Variants in CYFIP1 observed in about 807,000 individuals in gnomAD.
CYFIP1 encodes cytoplasmic FMR1 interacting protein 1.
A neutral mutation model predicts 163.5 loss-of-function variants in CYFIP1; 58 were observed. That is an observed-to-expected ratio of 0.35 (90% CI 0.29 to 0.44). CYFIP1 has a LOEUF of 0.44. CYFIP1 is among the 20% of genes least tolerant of loss of function. The pLI is 1.00. For synonymous variants in CYFIP1, 663 were observed against 660.7 expected (o/e 1.00, Z -0.05); for missense variants, 1,338 against 1,653.8 (o/e 0.81, Z 3.31).
chr15:22,904,270 CG>C (rs2142017894), intron 21 of CYFIP1: 1 of 313,516 alleles, frequency 3.2e-6, no homozygotes, highest in East Asian at 7.7e-5. Context: ...TCTCCCTGGG[CG>C]TTGGAGCTGA....
At chr15:22,897,475 G>T (rs936935295) in intron 22 of CYFIP1, among the ~76,000 whole-genome samples, 28 of 145,478 alleles carry the variant, frequency 1.9e-4, no homozygotes, top group Non-Finnish European at 3.1e-4. Context: ...GTTCAACAGG[G>T]TTGTTTTTTT....
chr15:22,976,867 G>GT (rs748728791), intron 1 of CYFIP1, among the ~76,000 whole-genome samples: 16 of 152,128 alleles, frequency 1.1e-4, no homozygotes, highest in Non-Finnish European at 1.6e-4. Flanking sequence ...GACTTTGCAT[G>GT]TATCTCCCCA....
Position 22,953,805 on chromosome 15 carries a change from C to G in CYFIP1, c.-6-6514G>C, listed in dbSNP as rs935137267. On this transcript the variant is annotated intron_variant, in intron 1 of 30. Coordinates refer to ENST00000617928, the MANE Select transcript of CYFIP1 (RefSeq NM_014608.6). Reference sequence around the variant, plus strand: ...GTGCAGTGGCTCACGCCTGTAATCCCAGCACTTTGGGAGGCCGAGGCGGGT... The same window carrying G: ...GTGCAGTGGCTCACGCCTGTAATCCGAGCACTTTGGGAGGCCGAGGCGGGT... 5.9e-4 allele frequency among the ~76,000 whole-genome samples: 90 copies of G among 152,216 alleles called. 5 individuals carry two copies. The highest frequency in any genetic ancestry group is 1.5e-5 in the Non-Finnish European group (1 of 68,040).
intron 30 of CYFIP1, among the ~76,000 whole-genome samples, chr15:22,871,019 G>A (rs972005904): frequency 3.9e-5 from 6 of 152,202 alleles, no homozygotes; most frequent in Admixed American, 2.6e-4. Context: ...CAGCGGCGGT[G>A]GGGTGAGGAG....
At chr15:22,898,470 T>C (rs960694574) in intron 22 of CYFIP1, among the ~76,000 whole-genome samples, 9 of 152,120 alleles carry the variant, frequency 5.9e-5, no homozygotes, top group African/African-American at 2.2e-4. Flanking sequence ...AATCTAAAGA[T>C]AAAAATTTGA....
intron 26 of CYFIP1, 135 bp downstream of exon 26, chr15:22,879,778 A>C: frequency 1.6e-6 from 1 of 640,184 alleles, no homozygotes; most frequent in Non-Finnish European, 2.6e-6. Flanking sequence ...CTCAACAGCC[A>C]CAAAAAAAAA....
At chr15:22,964,183 A>T (rs2062802586) in intron 1 of CYFIP1, among the ~76,000 whole-genome samples, 2 of 136,696 alleles carry the variant, frequency 1.5e-5, no homozygotes, top group African/African-American at 5.6e-5. Flanking sequence ...CCCTTTCTGG[A>T]GCAAGAGCAG....
At chr15:22,957,172 G>T (rs560234473) in intron 1 of CYFIP1, among the ~76,000 whole-genome samples, 3 of 152,344 alleles carry the variant, frequency 2.0e-5, no homozygotes, top group Non-Finnish European at 4.4e-5. Flanking sequence ...CTAGAAAGAG[G>T]GTCTTCCCAG....
At chr15:22,907,086 G>A (rs2060611072) in intron 21 of CYFIP1, among the ~76,000 whole-genome samples, 1 of 152,156 alleles carries the variant, frequency 6.6e-6, no homozygotes, top group Admixed American at 6.5e-5. Flanking sequence ...ACCCTTACCA[G>A]CTTACATGCT....
intron 1 of CYFIP1, among the ~76,000 whole-genome samples, chr15:22,958,995 A>G (rs564381948): frequency 1.3e-5 from 2 of 152,302 alleles, no homozygotes; most frequent in South Asian, 4.1e-4. Flanking sequence ...CCCCTGGGCC[A>G]TGGAGGACCC....
At chr15:22,968,474 T>A (rs2140243298) in intron 1 of CYFIP1, among the ~76,000 whole-genome samples, 1 of 152,320 alleles carries the variant, frequency 6.6e-6, no homozygotes, top group Non-Finnish European at 1.5e-5. Context: ...GTCTTTAGCC[T>A]ATGGGCCTGC....
chr15:22,923,942 C>CAA (rs916058496), intron 13 of CYFIP1, among the ~76,000 whole-genome samples: 13,380 of 60,010 alleles, frequency 0.22, 1,633 homozygotes, highest in African/African-American at 0.29. Context: ...ACCTTGTCTC[C>CAA]AAAAAAAAAA....
At chr15:22,972,890 C>T (rs989233199) in intron 1 of CYFIP1, among the ~76,000 whole-genome samples, 19 of 151,958 alleles carry the variant, frequency 1.3e-4, no homozygotes, top group African/African-American at 3.4e-4. Context: ...AATCCCAACA[C>T]TTTGGGAGGC....
At position 22,915,050 on chromosome 15, in the gene CYFIP1, A is replaced by AG. The variant is rs1184850166; in HGVS notation, c.1829-169dup. 3 of 577,504 alleles carry AG rather than the reference A, an allele frequency of 5.2e-6. No individual in the cohort carries two copies. In the African/African-American group the frequency reaches 5.8e-5, roughly 11 times the overall value. The allele number at this position is 577,504 out of a possible 1,614,324, so 35.8% of individuals were successfully genotyped here. A position where few individuals can be genotyped will look rare whatever the true frequency, so the allele number is the denominator to read the frequency against. The stretch of plus-strand genomic sequence containing the variant: ...GTCACCGGGGCCTTGCACTAGGGAC[A>AG]GGACCAGCTGGGCATAGCTGCAGGT... On this transcript the variant is annotated intron_variant, in intron 16 of 30. Transcript: ENST00000617928.
chr15:22,945,181 G>A (rs2062018228), intron 3 of CYFIP1, among the ~76,000 whole-genome samples: 1 of 152,172 alleles, frequency 6.6e-6, no homozygotes, highest in Admixed American at 6.5e-5. Context: ...AGGCATCTCT[G>A]AGGGGTGCCA....
intron 16 of CYFIP1, 152 bp downstream of exon 16, chr15:22,916,325 C>T (rs908547044): frequency 1.0e-4 from 66 of 648,198 alleles, no homozygotes; most frequent in Admixed American, 7.0e-4. Context: ...AGGCCAGGGA[C>T]GTACAGCCAC....
chr15:22,960,351 C>T (rs1308429394), intron 1 of CYFIP1, among the ~76,000 whole-genome samples: 1 of 152,230 alleles, frequency 6.6e-6, no homozygotes, highest in Admixed American at 6.5e-5. Context: ...CCTTCGGGTG[C>T]CCCATTTCAG....
At chr15:22,951,360 G>C (rs759034305) in intron 1 of CYFIP1, 2 of 1,222,956 alleles carry the variant, frequency 1.6e-6, no homozygotes, top group Non-Finnish European at 2.1e-6. Flanking sequence ...ACCTCAGAAA[G>C]GAGCAGTGCA....
rs548510306 is a variant in CYFIP1 at position 22,928,565 on chromosome 15, C to A, written c.1111-537G>T. Among the ~76,000 whole-genome samples, 10 of 152,184 alleles carry A rather than the reference C, an allele frequency of 6.6e-5. No individual in the cohort carries two copies. The South Asian group carries it at 1.5e-3, about 22-fold the overall frequency. On this transcript the variant is annotated intron_variant, in intron 11 of 30. Coordinates refer to ENST00000617928, the MANE Select transcript of CYFIP1 (RefSeq NM_014608.6). ...ACCGCCTGGGGGACCGCGGGCTGGGCGCGGGGCTGTTACACGCGTGGGCTT... is the reference window on the plus strand; with the variant it reads ...ACCGCCTGGGGGACCGCGGGCTGGGAGCGGGGCTGTTACACGCGTGGGCTT...
Sources: gnomAD v4.1 joint callset for allele counts (sites outside exome capture counted in the v4.1 genomes callset) on GRCh38, gnomAD v4.1.1 for gene constraint, MANE v1.5 for transcripts, NCBI Gene and HGNC (gene_info 2026-07-23, HGNC 2026-07-21) for gene names.